Variants in RBM6 observed in about 807,000 individuals in gnomAD.
RBM6 encodes RNA-binding protein 6.
RBM6 carries 23 observed loss-of-function variants against 140.4 expected under a neutral mutation model. The ratio of observed to expected loss-of-function variants is 0.16; its 90% CI spans 0.12 to 0.23. RBM6 has a LOEUF of 0.23. Ranked by LOEUF, RBM6 falls within the 10% of genes least tolerant of loss-of-function variation. The pLI, the probability that RBM6 is intolerant of heterozygous loss-of-function variation, is 1.00. For synonymous variants in RBM6, 439 were observed against 475.6 expected, an observed-to-expected ratio of 0.92 and a Z score of 1.00; for missense variants, 1,139 against 1,386.7, an observed-to-expected ratio of 0.82 and a Z score of 2.84.
At chr3:50,037,174 A>G (rs2108842560) in intron 6 of RBM6, among the ~76,000 whole-genome samples, 1 of 152,188 alleles carries the variant, frequency 6.6e-6, no homozygotes, top group Admixed American at 6.5e-5. Context: ...CTGTGGCAGG[A>G]GGATCATTTG....
chr3:49,998,560 C>G (rs1437280756), intron 5 of RBM6, among the ~76,000 whole-genome samples: 5 of 152,186 alleles, frequency 3.3e-5, no homozygotes, highest in Non-Finnish European at 7.3e-5. Context: ...TCTAGTTCAG[C>G]AACCTATAAA....
At position 50,072,729 on chromosome 3, in the gene RBM6, G is replaced by A. The variant is rs182376484; in HGVS notation, c.3116+2177G>A. On this transcript the variant is annotated intron_variant, in intron 19 of 20. Coordinates refer to ENST00000266022, the MANE Select transcript of RBM6 (RefSeq NM_005777.3). ...TGAGTTGTTACAGTGGGACCATTTA[G>A]TGTGACATTCCATTGGGTCATTCTC... Among the ~76,000 whole-genome samples the A allele has an allele frequency of 1.6e-4, 24 of 152,312 alleles. No individual in the cohort carries two copies. In the East Asian group the frequency reaches 4.2e-3, roughly 27 times the overall value.
At position 50,077,003 on chromosome 3, in the gene RBM6, T is replaced by C. The variant is rs1480873650; in HGVS notation, c.3247-5T>C. On this transcript the variant is annotated splice_region_variant and splice_polypyrimidine_tract_variant and intron_variant, in intron 20 of 20. Transcript: ENST00000266022. ...CCCACTTCATAGTTTGTCTTTGTTT[T>C]ACAGGCTGAAGGCCGGATGAGGGGC... The C allele has an allele frequency of 1.2e-6, 2 of 1,606,296 alleles. No individual in the cohort carries two copies. The highest frequency in any genetic ancestry group is 2.2e-5 in the East Asian group (1 of 44,702).
intron 5 of RBM6, among the ~76,000 whole-genome samples, chr3:49,991,880 C>T (rs1417162557): frequency 6.6e-6 from 1 of 152,086 alleles, no homozygotes; most frequent in Non-Finnish European, 1.5e-5. Context: ...GAGCAAACTT[C>T]CAGCTTAGAA....
chr3:50,061,970 C>T lies in RBM6; in HGVS notation c.2448C>T (p.Val816=), dbSNP rs549263357. 1 of 1,612,886 alleles carries T rather than the reference C, an allele frequency of 6.2e-7. No homozygotes were observed. The highest frequency in any genetic ancestry group is 1.3e-5 in the African/African-American group (1 of 74,844). Reference sequence around the variant, plus strand: ...TTCCAACTGTATCGCAGCAAGAAGTCTATGTGCCCCAGGATCCTGGATTAC... The same window carrying T: ...TTCCAACTGTATCGCAGCAAGAAGTTTATGTGCCCCAGGATCCTGGATTAC... ...TYYDPNTQQE[V]YVPQDPGLPE... The change falls in exon 15 of 21, where the codon GTC becomes GTT. Residue 816 remains valine, a synonymous_variant. Transcript: ENST00000266022.
At chr3:50,026,853 C>T (rs1007860412) in intron 6 of RBM6, among the ~76,000 whole-genome samples, 7 of 147,304 alleles carry the variant, frequency 4.8e-5, no homozygotes, top group South Asian at 2.1e-4. Flanking sequence ...GAGCAGAGAT[C>T]GCACCACTGC....
At chr3:50,018,581 G>GTTTTTTTTTTTTTTTTTTTT (rs58115280) in intron 6 of RBM6, among the ~76,000 whole-genome samples, 1 of 63,512 alleles carries the variant, frequency 1.6e-5, no homozygotes, top group African/African-American at 6.7e-5. Context: ...GTAGGAGTGT[G>GTTTTTTTTTTTTTTTTTTTT]TTTTTTTTTT....
chr3:50,041,117 T>A (rs2088894644), intron 6 of RBM6, among the ~76,000 whole-genome samples: 1 of 152,300 alleles, frequency 6.6e-6, no homozygotes, highest in African/African-American at 2.4e-5. Flanking sequence ...TCAAGAACAT[T>A]TTAGTAAAAG....
rs2089778367 is a variant in RBM6 at position 50,057,890 on chromosome 3, A to C, written c.1856A>C (p.Lys619Thr). 2.5e-6 allele frequency: 4 copies of C among 1,614,188 alleles called. No homozygotes were observed. Among genetic ancestry groups the C allele is most frequent in the Non-Finnish European group, 3.4e-6 (4 of 1,180,042 alleles). Residue 619 changes from lysine to threonine, a missense_variant, in exon 9 of 21, where the codon AAG becomes ACG. By Grantham distance (78) the Lys-to-Thr change is moderately conservative. This residue lies in a region of RBM6 where 109 missense variants were observed against 101.9 expected (regional missense o/e 1.07). Transcript: ENST00000266022. ...CAAGAGTCACGCTTAGGACATCAAA[A>C]GAGAGAAGCAGAAAGGTATCTGCCT... ...EGQESRLGHQ[K>T]REAERYLPPS... is the part of the protein sequence containing the mutation.
At chr3:49,990,227 C>T (rs569881717) in intron 5 of RBM6, among the ~76,000 whole-genome samples, 1 of 152,238 alleles carries the variant, frequency 6.6e-6, no homozygotes, top group East Asian at 1.9e-4. Flanking sequence ...TTTACACAAA[C>T]TAGATGTTAT....
chr3:49,989,388 A>G (rs1361500666), intron 5 of RBM6, among the ~76,000 whole-genome samples: 3 of 152,074 alleles, frequency 2.0e-5, no homozygotes, highest in African/African-American at 4.8e-5. Context: ...CAGCCAGGGC[A>G]ACATGGTGAA....
At chr3:49,961,171 G>C (rs757703575) in intron 1 of RBM6, among the ~76,000 whole-genome samples, 1 of 151,984 alleles carries the variant, frequency 6.6e-6, no homozygotes, top group Non-Finnish European at 1.5e-5. Context: ...TCCGCCTCCC[G>C]GTTTCAAGCG....
At chr3:49,954,326 G>A (rs1337588747) in intron 1 of RBM6, among the ~76,000 whole-genome samples, 1 of 151,716 alleles carries the variant, frequency 6.6e-6, no homozygotes, top group African/African-American at 2.4e-5. Flanking sequence ...TGTAGTCCCA[G>A]CTACTTGGCA....
At chr3:50,016,792 T>A (rs949864301) in intron 6 of RBM6, among the ~76,000 whole-genome samples, 3 of 148,344 alleles carry the variant, frequency 2.0e-5, no homozygotes, top group African/African-American at 7.5e-5. Context: ...CACCTCAGCC[T>A]CCCAGGTAGC....
intron 1 of RBM6, among the ~76,000 whole-genome samples, chr3:49,955,347 T>C (rs981093492): frequency 9.4e-5 from 4 of 42,700 alleles, no homozygotes; most frequent in Middle Eastern, 0.01. Context: ...ATTTTCGTAT[T>C]TTTTTGTAGA....
intron 8 of RBM6, among the ~76,000 whole-genome samples, chr3:50,056,200 GTCACT>G (rs1469212952): frequency 1.3e-5 from 2 of 152,102 alleles, no homozygotes; most frequent in Non-Finnish European, 2.9e-5. Context: ...TGCTTGTTAG[GTCACT>G]TCAGGTTAGG....
intron 5 of RBM6, 107 bp from the exon 6 acceptor site, chr3:49,999,333 T>G: frequency 1.1e-6 from 1 of 895,124 alleles, no homozygotes; most frequent in Non-Finnish European, 1.8e-6. Context: ...AGGGGTTAGT[T>G]GGGAGGGCTT....
intron 6 of RBM6, among the ~76,000 whole-genome samples, chr3:50,012,017 A>G (rs2108769613): frequency 6.6e-6 from 1 of 151,582 alleles, no homozygotes; most frequent in Non-Finnish European, 1.5e-5. Flanking sequence ...GTGCCCAGCT[A>G]ATTTTTTATT....
chr3:49,946,720 A>T (rs1002127370), intron 1 of RBM6, among the ~76,000 whole-genome samples: 7 of 151,646 alleles, frequency 4.6e-5, no homozygotes, highest in African/African-American at 1.7e-4. Flanking sequence ...ATTTTAGTAG[A>T]GACAGGGTTT....
Sources: allele counts gnomAD v4.1 joint callset (sites outside exome capture counted in the v4.1 genomes callset), GRCh38; gene constraint gnomAD v4.1.1; regional missense constraint gnomAD v4.1.1; transcripts MANE v1.5; gene names NCBI Gene and HGNC (gene_info 2026-07-23, HGNC 2026-07-21).